RELN: variants seen among roughly 807,000 people sequenced by gnomAD.
The protein encoded by RELN is reelin.
A neutral mutation model predicts 427.6 loss-of-function variants in RELN; 108 were observed. The ratio of observed to expected loss-of-function variants is 0.25; its 90% confidence interval spans 0.22 to 0.30. The LOEUF (loss-of-function observed/expected upper bound fraction) is 0.30, where lower values mean the gene tolerates loss of function less well. RELN is among the 10% of genes least tolerant of loss of function. The pLI is 1.00. For missense variants in RELN, 3,715 were observed against 4,302.8 expected, an observed-to-expected ratio of 0.86 and a Z score of 3.82; for synonymous variants, 1,524 against 1,513.4, an observed-to-expected ratio of 1.01 and a Z score of -0.16.
At chr7:103,974,494 A>T (rs2116826855) in intron 1 of RELN, among the ~76,000 whole-genome samples, 1 of 15,038 alleles carries the variant, frequency 6.6e-5, no homozygotes, top group South Asian at 1.3e-3. Flanking sequence ...TTATTTCTAC[A>T]TTATCTATAA....
At chr7:103,800,743 A>G (rs974535625) in intron 3 of RELN, among the ~76,000 whole-genome samples, 18 of 152,200 alleles carry the variant, frequency 1.2e-4, no homozygotes, top group African/African-American at 3.6e-4. Context: ...ATCTAATTAA[A>G]GTGAAGAGCT....
chr7:103,644,224 C>T (rs1028243369), intron 16 of RELN, among the ~76,000 whole-genome samples: 1 of 151,616 alleles, frequency 6.6e-6, no homozygotes, highest in Non-Finnish European at 1.5e-5. Flanking sequence ...GTTAAAAAAT[C>T]ATACTAATTC....
At chr7:103,787,414 T>C (rs1408245708) in intron 3 of RELN, among the ~76,000 whole-genome samples, 2 of 151,118 alleles carry the variant, frequency 1.3e-5, no homozygotes, top group Non-Finnish European at 2.9e-5. Flanking sequence ...CTGAAAAGAT[T>C]AGCAAAATAG....
At chr7:103,933,543 AAGGC>A (rs983795945) in intron 1 of RELN, among the ~76,000 whole-genome samples, 4 of 151,760 alleles carry the variant, frequency 2.6e-5, no homozygotes, top group African/African-American at 9.7e-5. Context: ...GGAGGGAAGG[AAGGC>A]AGGCAGGCAG....
intron 12 of RELN, among the ~76,000 whole-genome samples, chr7:103,654,799 T>C (rs1832991967): frequency 6.6e-6 from 1 of 152,060 alleles, no homozygotes; most frequent in South Asian, 2.1e-4. Context: ...TTTATAGTCA[T>C]GGAAAACAAT....
chr7:103,904,975 C>CTTTTTTTT (rs67024941), intron 2 of RELN, among the ~76,000 whole-genome samples: 1,601 of 77,354 alleles, frequency 0.021, 64 homozygotes, highest in East Asian at 0.058. Context: ...AAGTTCTTTC[C>CTTTTTTTT]TTTTTTTTTT....
At chr7:103,564,529 T>G (rs1830705550) in intron 34 of RELN, among the ~76,000 whole-genome samples, 1 of 152,150 alleles carries the variant, frequency 6.6e-6, no homozygotes, top group African/African-American at 2.4e-5. Context: ...GCCACAGAAG[T>G]TGGCCAAGAT....
At chr7:103,908,607 A>G (rs1311945820) in intron 2 of RELN, among the ~76,000 whole-genome samples, 1 of 152,168 alleles carries the variant, frequency 6.6e-6, no homozygotes, top group Non-Finnish European at 1.5e-5. Flanking sequence ...TGCTTTAACA[A>G]TTTATTGGTT....
At chr7:103,746,175 C>T (rs926942142) in intron 6 of RELN, among the ~76,000 whole-genome samples, 2 of 152,036 alleles carry the variant, frequency 1.3e-5, no homozygotes, top group African/African-American at 2.4e-5. Flanking sequence ...GAAAGAATTC[C>T]CTATTTAATA....
rs192271494 is a variant in RELN at position 103,860,063 on chromosome 7, C to T, written c.338-26391G>A. Among the ~76,000 whole-genome samples, 282 of 152,252 alleles carry T rather than the reference C, an allele frequency of 1.9e-3. 4 individuals carry two copies. The highest frequency in any genetic ancestry group is 1.1e-3 in the Non-Finnish European group (76 of 68,016). ...ACTTCTTTTATTGGCGTTAAACATG[C>T]GAGCTTAGCCACAATAAATTAAATC... is the stretch of plus-strand genomic sequence containing the variant. On this transcript the variant is annotated intron_variant, in intron 2 of 64. Coordinates refer to ENST00000428762, the MANE Select transcript of RELN (RefSeq NM_005045.4).
intron 1 of RELN, among the ~76,000 whole-genome samples, chr7:103,929,492 T>C (rs1212837213): frequency 1.3e-5 from 2 of 152,198 alleles, no homozygotes; most frequent in African/African-American, 4.8e-5. Context: ...GTTAGGTTCC[T>C]GTGAGGCTTT....
At chr7:103,575,744 A>C in intron 28 of RELN, 39 bp from the exon 29 acceptor site, 1 of 1,609,904 alleles carries the variant, frequency 6.2e-7, no homozygotes, top group East Asian at 2.2e-5. Context: ...TTGTACCAAC[A>C]TCTCATATCA....
chr7:103,488,674 G>T (rs1562845523), intron 60 of RELN, among the ~76,000 whole-genome samples: 1 of 152,156 alleles, frequency 6.6e-6, no homozygotes. Flanking sequence ...CTCCTCCTTG[G>T]ATAAATCTCT....
At chr7:103,971,936 G>A (rs1796772184) in intron 1 of RELN, among the ~76,000 whole-genome samples, 1 of 150,830 alleles carries the variant, frequency 6.6e-6, no homozygotes, top group African/African-American at 2.4e-5. Flanking sequence ...AGCTGGGCGT[G>A]GTGGCCTGCC....
At chr7:103,564,558 G>A (rs990774206) in intron 34 of RELN, among the ~76,000 whole-genome samples, 1 of 152,186 alleles carries the variant, frequency 6.6e-6, no homozygotes, top group Non-Finnish European at 1.5e-5. Flanking sequence ...GGCAGAAAGA[G>A]GGGGGAGGAA....
intron 2 of RELN, among the ~76,000 whole-genome samples, chr7:103,896,644 T>G (rs1794967042): frequency 6.6e-6 from 1 of 151,948 alleles, no homozygotes; most frequent in Admixed American, 6.6e-5. Context: ...CTTCTGAGAT[T>G]AGGGTAATGA....
chr7:103,676,861 G>A (rs1456543777), intron 11 of RELN, among the ~76,000 whole-genome samples: 1 of 152,122 alleles, frequency 6.6e-6, no homozygotes, highest in Admixed American at 6.5e-5. Flanking sequence ...GACACAGGGT[G>A]GTGAACATCA....
intron 2 of RELN, among the ~76,000 whole-genome samples, chr7:103,897,648 T>C (rs1794990491): frequency 6.6e-6 from 1 of 152,036 alleles, no homozygotes; most frequent in Non-Finnish European, 1.5e-5. Flanking sequence ...AAAATTATGG[T>C]GGAAAAGGCA....
At position 103,824,081 on chromosome 7, in the gene RELN, G is replaced by C. The variant is rs985335420; in HGVS notation, c.473+9456C>G. 2.6e-5 allele frequency among the ~76,000 whole-genome samples: 4 copies of C among 151,960 alleles called. No homozygotes were observed. Among genetic ancestry groups the C allele is most frequent in the Admixed American group, 2.6e-4 (4 of 15,212 alleles). On this transcript the variant is annotated intron_variant, in intron 3 of 64. Coordinates refer to ENST00000428762, the MANE Select transcript of RELN (RefSeq NM_005045.4). The surrounding 1 kb of genome is among the most constrained non-coding windows in gnomAD (Gnocchi z 4.4). ...GTCACCTTTGATGTTTTCTGTCGTT[G>C]ATATACTGAAGGCTTATCACGACCT... is the stretch of plus-strand genomic sequence containing the variant.
Sources: gnomAD v4.1 joint callset for allele counts (sites outside exome capture counted in the v4.1 genomes callset) on GRCh38, gnomAD v4.1.1 for gene constraint, Gnocchi (gnomAD v3.1) non-coding constraint, MANE v1.5 for transcripts, NCBI Gene and HGNC (gene_info 2026-07-23, HGNC 2026-07-21) for gene names.